Variants in ENPP2 observed in about 807,000 individuals in gnomAD.
ENPP2 encodes autotaxin.
In ENPP2, 51 loss-of-function variants were observed where a neutral mutation model predicts 120.2. The observed-to-expected ratio is 0.42, with a 90% CI of 0.34 to 0.54. The LOEUF (loss-of-function observed/expected upper bound fraction) is 0.54, where lower values mean the gene tolerates loss of function less well. ENPP2 is among the 20% of genes least tolerant of loss of function. The probability of loss-of-function intolerance (pLI) is 0.04; values close to 1 mark genes in which losing one functional copy is unlikely to be tolerated. For synonymous variants in ENPP2, 365 were observed against 366.4 expected (o/e 1.00, Z 0.04); for missense variants, 920 against 1,066.5 (o/e 0.86, Z 1.91).
At chr8:119,616,226 C>A (rs751208947) in intron 8 of ENPP2, 39 bp downstream of exon 8, 15 of 1,551,242 alleles carry the variant, frequency 9.7e-6, no homozygotes, top group Non-Finnish European at 1.2e-5. Context: ...AATACATGAA[C>A]ACACAAACAC....
chr8:119,646,895 A>G (rs1454609668), intron 1 of ENPP2, among the ~76,000 whole-genome samples: 1 of 152,132 alleles, frequency 6.6e-6, no homozygotes, highest in East Asian at 1.9e-4. Flanking sequence ...TATTTATGAA[A>G]ATTCAAGTCA....
chr8:119,583,482 C>T (rs1025827046), intron 17 of ENPP2, among the ~76,000 whole-genome samples: 10 of 152,208 alleles, frequency 6.6e-5, no homozygotes, highest in Admixed American at 3.9e-4. Context: ...CAGCCAGAGG[C>T]TGCCAACAGC....
chr8:119,617,036 T>C (rs1168376682), intron 7 of ENPP2, 128 bp downstream of exon 7: 5 of 660,104 alleles, frequency 7.6e-6, no homozygotes, highest in Middle Eastern at 3.4e-4. Context: ...ATGACCCAGT[T>C]AAGATGGAAA....
intron 2 of ENPP2, among the ~76,000 whole-genome samples, chr8:119,633,253 G>A (rs566380889): frequency 6.6e-6 from 1 of 152,250 alleles, no homozygotes; most frequent in Middle Eastern, 3.4e-3. Context: ...TCTGGATGAT[G>A]GCCAATAGAA....
At chr8:119,605,445 T>TGTGTGC (rs1814644855) in intron 9 of ENPP2, among the ~76,000 whole-genome samples, 1 of 149,592 alleles carries the variant, frequency 6.7e-6, no homozygotes. Context: ...TGTGTGTGTG[T>TGTGTGC]GTGTGTGTGT....
In ENPP2 at chr8:119,638,497, C is replaced by T. The variant is rs1324027103; in HGVS notation, c.64G>A (p.Val22Ile). 9.3e-6 allele frequency: 15 copies of T among 1,608,504 alleles called. No homozygotes were observed. The highest frequency in any genetic ancestry group is 1.3e-5 in the African/African-American group (1 of 74,914). The change falls in exon 2 of 25, where the codon GTC becomes ATC. Residue 22 changes from valine (V) to isoleucine (I), a missense_variant. Physicochemically the swap from Val to Ile is conservative, Grantham distance 29. Coordinates refer to ENST00000075322, the MANE Select transcript of ENPP2 (RefSeq NM_001040092.3). ...GCAGTGAATCCTAAGCAGATATTGA[C>T]TCCAACGGCAAAAGTGAACAGGGAT... The part of the protein sequence containing the change: ...IISLFTFAVG[V>I]NICLGFTAHR...
intron 19 of ENPP2, among the ~76,000 whole-genome samples, chr8:119,574,171 A>G (rs3793375): frequency 0.15 from 23,295 of 151,910 alleles, 2,182 homozygotes; most frequent in African/African-American, 0.25. Context: ...AGAATCACAG[A>G]TTCAGAGTCA....
At position 119,590,596 on chromosome 8, in the gene ENPP2, G is replaced by A. The variant is rs776957670; in HGVS notation, c.1116C>T (p.Phe372=). The change falls in exon 13 of 25, where the codon TTC becomes TTT. Residue 372 remains phenylalanine, a synonymous_variant. Coordinates refer to ENST00000075322, the MANE Select transcript of ENPP2 (RefSeq NM_001040092.3). ...MEDVTCDRTE[F]LSNYLTNVDD... Reference sequence around the variant, plus strand: ...CCACATTAGTTAGGTAATTACTCAAGAACTCAGTTCTATCACATGTGACAT... The same window carrying A: ...CCACATTAGTTAGGTAATTACTCAAAAACTCAGTTCTATCACATGTGACAT... The A allele has an allele frequency of 5.0e-6, 8 of 1,589,660 alleles. No individual in the cohort carries two copies. The Admixed American group carries it at 1.2e-4, about 24-fold the overall frequency.
At chr8:119,565,040 C>A in intron 22 of ENPP2, 85 bp from the exon 23 acceptor site, 1 of 1,164,502 alleles carries the variant, frequency 8.6e-7, no homozygotes, top group South Asian at 1.4e-5. Flanking sequence ...ATGCATGCTA[C>A]GAGCCAAATC....
intron 11 of ENPP2, among the ~76,000 whole-genome samples, chr8:119,594,388 T>C (rs564381694): frequency 1.8e-4 from 28 of 152,330 alleles, no homozygotes; most frequent in African/African-American, 6.7e-4. Flanking sequence ...AAGCAATAGA[T>C]TCTTAACAGA....
chr8:119,574,806 T>C (rs964985306), intron 19 of ENPP2, among the ~76,000 whole-genome samples: 4 of 152,226 alleles, frequency 2.6e-5, no homozygotes, highest in Non-Finnish European at 5.9e-5. Context: ...TTCCTTTTCT[T>C]GCATACTTTC....
intron 1 of ENPP2, among the ~76,000 whole-genome samples, chr8:119,650,879 C>A (rs1294733509): frequency 6.6e-6 from 1 of 152,062 alleles, no homozygotes; most frequent in Non-Finnish European, 1.5e-5. Flanking sequence ...CTCAAGTATC[C>A]TGAAACTTAA....
chr8:119,672,492 A>T (rs1043578833), intron 1 of ENPP2, among the ~76,000 whole-genome samples: 1 of 152,092 alleles, frequency 6.6e-6, no homozygotes, highest in Admixed American at 6.6e-5. Context: ...GCACCTGAAG[A>T]CCGGCTGTGC....
chr8:119,655,132 A>C (rs1817732014), intron 1 of ENPP2, among the ~76,000 whole-genome samples: 1 of 152,202 alleles, frequency 6.6e-6, no homozygotes, highest in Non-Finnish European at 1.5e-5. Flanking sequence ...GAAAAGAAGA[A>C]AGAAACACAT....
chr8:119,657,311 G>A (rs1384121296), intron 1 of ENPP2, among the ~76,000 whole-genome samples: 1 of 152,184 alleles, frequency 6.6e-6, no homozygotes, highest in East Asian at 1.9e-4. Context: ...GTAGAGAAAT[G>A]ATTTAAACCC....
At position 119,644,623 on chromosome 8, in the gene ENPP2, T is replaced by TACAC. The variant is rs1215150255; in HGVS notation, c.22-6097_22-6096insGTGT. Reference sequence around the variant, plus strand: ...ATATATATATATATATATATATATATATACACACACACACACACACACACA... The same window carrying TACAC: ...ATATATATATATATATATATATATATACACATACACACACACACACACACACACA... On this transcript the variant is annotated intron_variant, in intron 1 of 25. Coordinates refer to the ENPP2 transcript ENST00000427067. Among the ~76,000 whole-genome samples, 349 of 97,222 alleles carry TACAC rather than the reference T, an allele frequency of 3.6e-3. 2 individuals carry two copies. Among genetic ancestry groups the TACAC allele is most frequent in the South Asian group, 0.012 (30 of 2,506 alleles). The allele number at this position is 97,222 out of a possible 152,430, so 63.8% of individuals were successfully genotyped here. A position where few individuals can be genotyped will look rare whatever the true frequency, so the allele number is the denominator to read the frequency against.
chr8:119,580,199 G>A, intron 18 of ENPP2, 32 bp from the exon 19 acceptor site: 1 of 1,576,232 alleles, frequency 6.3e-7, no homozygotes, highest in Non-Finnish European at 8.7e-7. Context: ...AAGGAAAAAA[G>A]AAAGCAAATC....
intron 8 of ENPP2, among the ~76,000 whole-genome samples, chr8:119,615,744 G>A (rs375816804): frequency 6.6e-6 from 1 of 152,012 alleles, no homozygotes; most frequent in African/African-American, 2.4e-5. Flanking sequence ...TAGCATCAGG[G>A]CTAGCATATT....
Position 119,583,730 on chromosome 8 carries a change from G to A in ENPP2, c.1530C>T (p.Tyr510=). 1 of 1,571,052 alleles carries A rather than the reference G, an allele frequency of 6.4e-7. No individual in the cohort carries two copies. The highest frequency in any genetic ancestry group is 8.8e-7 in the Non-Finnish European group (1 of 1,142,024). The part of the protein sequence containing the change: ...KVPPFENIEL[Y]NVMCDLLGLK... Reference sequence around the variant, plus strand: ...TGAGTGACTTACCACACATAACATTGTAAAGTTCAATGTTTTCAAATGGAG... The same window carrying A: ...TGAGTGACTTACCACACATAACATTATAAAGTTCAATGTTTTCAAATGGAG... The change falls in exon 17 of 25, where the codon TAC becomes TAT. Residue 510 remains tyrosine, a synonymous_variant. Transcript: ENST00000075322.
Sources: allele counts gnomAD v4.1 joint callset (sites outside exome capture counted in the v4.1 genomes callset), GRCh38; gene constraint gnomAD v4.1.1; transcripts MANE v1.5; gene names NCBI Gene and HGNC (gene_info 2026-07-23, HGNC 2026-07-21).